Variants in MCF2L observed in about 807,000 individuals in gnomAD.
The protein encoded by MCF2L is MCF.2 cell line derived transforming sequence like, also known as guanine nucleotide exchange factor DBS.
MCF2L carries 97 observed loss-of-function variants against 153.4 expected under a neutral mutation model. The ratio of observed to expected loss-of-function variants is 0.63; its 90% CI spans 0.54 to 0.75. The LOEUF is 0.75. Among genes scored for constraint, MCF2L ranks in the 30% least tolerant of loss-of-function variants. The pLI is 0.00. For missense variants in MCF2L, 1,347 were observed against 1,495.2 expected, an observed-to-expected ratio of 0.90 and a Z score of 1.64; for synonymous variants, 659 against 632.2, an observed-to-expected ratio of 1.04 and a Z score of -0.64.
Position 112,907,058 on chromosome 13 carries a change from C to T in MCF2L, c.169+4687C>T, listed in dbSNP as rs1243930240. 6.6e-6 allele frequency among the ~76,000 whole-genome samples: 1 copy of T among 152,158 alleles called. No homozygotes were observed. Among genetic ancestry groups the T allele is most frequent in the Non-Finnish European group, 1.5e-5 (1 of 68,040 alleles). On this transcript the variant is annotated intron_variant, in intron 2 of 29. Transcript: ENST00000375608. This position sits in a 1 kb window ranked among gnomAD's most constrained non-coding sequence, Gnocchi z 5.1. The stretch of plus-strand genomic sequence containing the variant: ...AGTCGCGACATTGCTGTTTCTATGT[C>T]AGAAGCCTTGGAGCATGGATGATTC...
intron 1 of MCF2L, among the ~76,000 whole-genome samples, chr13:112,901,615 G>C (rs1460285395): frequency 1.3e-5 from 2 of 152,210 alleles, no homozygotes; most frequent in African/African-American, 4.8e-5. Flanking sequence ...AAGTGACTCT[G>C]AGGCTTCGGT....
intron 2 of MCF2L, chr13:112,909,299 G>A (rs773432062): frequency 2.2e-5 from 17 of 779,612 alleles, no homozygotes; most frequent in South Asian, 5.4e-5. Context: ...TGCCAGTCTC[G>A]GGAGGCACTC....
intron 13 of MCF2L, 64 bp from the exon 14 acceptor site, chr13:113,078,299 G>A: frequency 7.4e-7 from 1 of 1,348,600 alleles, no homozygotes; most frequent in South Asian, 1.2e-5. Context: ...TTCCCGCTGG[G>A]TGCACTTCCC....
intron 4 of MCF2L, among the ~76,000 whole-genome samples, chr13:113,056,295 A>T (rs2087765271): frequency 1.3e-5 from 2 of 149,512 alleles, no homozygotes; most frequent in Non-Finnish European, 1.5e-5. Context: ...TTGGGTGCTG[A>T]GTGTTTGGGT....
chr13:113,067,190 A>C (rs1377741235), intron 8 of MCF2L, among the ~76,000 whole-genome samples: 1 of 152,190 alleles, frequency 6.6e-6, no homozygotes, highest in Non-Finnish European at 1.5e-5. Flanking sequence ...GGTGGTGCAC[A>C]GCTGGAGTCC....
intron 2 of MCF2L, among the ~76,000 whole-genome samples, chr13:113,016,639 C>T (rs1004424925): frequency 7.9e-5 from 12 of 152,224 alleles, no homozygotes; most frequent in East Asian, 3.9e-4. Flanking sequence ...GCCCCCGCGT[C>T]GTATCCTGCC....
rs147128270 is a variant in MCF2L, at chr13:112,941,876, T to C, written c.169+39505T>C. 4.8e-3 allele frequency among the ~76,000 whole-genome samples: 733 copies of C among 152,072 alleles called. 3 individuals are homozygous for C. Among genetic ancestry groups the C allele is most frequent in the African/African-American group, 0.017 (707 of 41,468 alleles). On this transcript the variant is annotated intron_variant, in intron 2 of 29. Coordinates refer to the MCF2L transcript ENST00000375608. The surrounding 1 kb of genome is among the most constrained non-coding windows in gnomAD (Gnocchi z 4.9). ...AGAGATAGGAACTGAGGGGACATAGTGAGAAGTGATCAGAAGACAAGAGTG... is the reference window on the plus strand; with the variant it reads ...AGAGATAGGAACTGAGGGGACATAGCGAGAAGTGATCAGAAGACAAGAGTG...
At chr13:113,072,332 C>T (rs373293362) in intron 9 of MCF2L, among the ~76,000 whole-genome samples, 10 of 152,192 alleles carry the variant, frequency 6.6e-5, no homozygotes, top group African/African-American at 2.2e-4. Context: ...TTCTACCCCC[C>T]ACCCACAACA....
rs573659863 is a variant in MCF2L at position 112,943,309 on chromosome 13, T to C, written c.169+40938T>C. ...GTGCGCCCCACTCCCGAGGCTGTGG[T>C]TGGGGGGTCGCGGTCGAGCTCTAGG... is the stretch of plus-strand genomic sequence containing the variant. On this transcript the variant is annotated intron_variant, in intron 2 of 29. Transcript: ENST00000375608. This position sits in a 1 kb window ranked among gnomAD's most constrained non-coding sequence, Gnocchi z 4.2. Among the ~76,000 whole-genome samples the C allele has an allele frequency of 3.2e-3, 491 of 152,082 alleles. No individual in the cohort carries two copies. The highest frequency in any genetic ancestry group is 5.2e-3 in the Non-Finnish European group (352 of 67,944).
In MCF2L at chr13:113,074,586, G is replaced by C; in HGVS notation, c.1116+23G>C. 1 of 1,610,834 alleles carries C rather than the reference G, an allele frequency of 6.2e-7. No individual in the cohort carries two copies. Among genetic ancestry groups the C allele is most frequent in the Non-Finnish European group, 8.5e-7 (1 of 1,177,770 alleles). On this transcript the variant is annotated intron_variant, in intron 10 of 29. Transcript: ENST00000535094. The surrounding 1 kb of genome is among the most constrained non-coding windows in gnomAD (Gnocchi z 4.2). ...GGCGTAAGGCGGGGTCCCGGCGGGGGCGGCGGGAGAGTGTGGGCAGCATCA... is the reference window on the plus strand; with the variant it reads ...GGCGTAAGGCGGGGTCCCGGCGGGGCCGGCGGGAGAGTGTGGGCAGCATCA...
intron 2 of MCF2L, among the ~76,000 whole-genome samples, chr13:113,021,184 A>G (rs889079775): frequency 3.3e-5 from 5 of 151,976 alleles, no homozygotes; most frequent in East Asian, 3.9e-4. Context: ...ATGTGCAGCT[A>G]TGTATCTGTG....
intron 1 of MCF2L, among the ~76,000 whole-genome samples, chr13:113,006,066 G>A (rs2083675968): frequency 6.6e-6 from 1 of 152,180 alleles, no homozygotes; most frequent in Non-Finnish European, 1.5e-5. Flanking sequence ...GGGAGGCCGT[G>A]CCCTGCCATG....
intron 2 of MCF2L, chr13:112,917,194 T>TC (rs1594321630): frequency 6.4e-6 from 3 of 470,678 alleles, no homozygotes; most frequent in Non-Finnish European, 1.3e-5. Flanking sequence ...TCCGGACCCC[T>TC]CCCCCGGGCA....
At chr13:113,061,749 CCCT>C (rs2031490349) in intron 5 of MCF2L, among the ~76,000 whole-genome samples, 1 of 90,180 alleles carries the variant, frequency 1.1e-5, no homozygotes, top group Non-Finnish European at 2.3e-5. Context: ...CTTCCCTTTC[CCCT>C]CCCTTCCCTC....
intron 4 of MCF2L, among the ~76,000 whole-genome samples, chr13:113,058,684 T>C (rs1406645158): frequency 6.6e-6 from 1 of 150,586 alleles, no homozygotes; most frequent in Non-Finnish European, 1.5e-5. Context: ...GTTTGGGCGC[T>C]GAGTGGGCAC....
chr13:113,065,177 T>A, intron 7 of MCF2L, 92 bp downstream of exon 7: 1 of 1,497,694 alleles, frequency 6.7e-7, no homozygotes. Context: ...GGGGGGTCTT[T>A]CGTCCCAGCG....
chr13:112,895,760 C>A (rs1179065525), intron 1 of MCF2L, among the ~76,000 whole-genome samples: 1 of 152,142 alleles, frequency 6.6e-6, no homozygotes, highest in Non-Finnish European at 1.5e-5. Flanking sequence ...TCTCCTTCAG[C>A]TCTTCCCCAT....
At chr13:112,916,704 AG>A (rs2081295589) in intron 2 of MCF2L, among the ~76,000 whole-genome samples, 1 of 152,048 alleles carries the variant, frequency 6.6e-6, no homozygotes, top group Admixed American at 6.6e-5. Flanking sequence ...CCAGTCTCTG[AG>A]CCACAGTGGT....
intron 2 of MCF2L, among the ~76,000 whole-genome samples, chr13:112,908,865 A>G (rs1814445410): frequency 6.6e-6 from 1 of 151,840 alleles, no homozygotes; most frequent in Non-Finnish European, 1.5e-5. Context: ...AGCTGGGACT[A>G]CAGATGCACG....
Sources: allele counts gnomAD v4.1 joint callset (sites outside exome capture counted in the v4.1 genomes callset), GRCh38; gene constraint gnomAD v4.1.1; non-coding constraint Gnocchi (gnomAD v3.1); transcripts MANE v1.5; gene names NCBI Gene and HGNC (gene_info 2026-07-23, HGNC 2026-07-21).